REV3L: variants seen among roughly 807,000 people sequenced by gnomAD.
The protein encoded by REV3L is REV3 like, DNA directed polymerase zeta catalytic subunit, also known as DNA polymerase zeta catalytic subunit.
In REV3L, 69 loss-of-function variants were observed where a neutral mutation model predicts 299.4. That is an observed-to-expected ratio of 0.23 (90% CI 0.19 to 0.28). REV3L has a LOEUF of 0.28. Among genes scored for constraint, REV3L ranks in the 10% least tolerant of loss-of-function variants. REV3L has a pLI of 1.00. For missense variants in REV3L, 3,128 were observed against 3,693.8 expected, an observed-to-expected ratio of 0.85 and a Z score of 3.97; for synonymous variants, 1,238 against 1,271.4, an observed-to-expected ratio of 0.97 and a Z score of 0.56.
At chr6:111,426,062 C>T (rs1387832050) in intron 1 of REV3L, among the ~76,000 whole-genome samples, 2 of 152,146 alleles carry the variant, frequency 1.3e-5, no homozygotes, top group African/African-American at 4.8e-5. Flanking sequence ...TAGCTGGGGG[C>T]TCCTGGATAG....
chr6:111,478,911 C>T (rs1305285376), intron 1 of REV3L, among the ~76,000 whole-genome samples: 1 of 152,164 alleles, frequency 6.6e-6, no homozygotes, highest in Non-Finnish European at 1.5e-5. Context: ...TGTTTAATTC[C>T]TTGCTTTGTG....
At chr6:111,316,574 GAGA>G (rs974224028) in intron 26 of REV3L, among the ~76,000 whole-genome samples, 2 of 151,804 alleles carry the variant, frequency 1.3e-5, no homozygotes, top group Admixed American at 1.3e-4. Flanking sequence ...GCTGAGGTGG[GAGA>G]ATCGCTTGAA....
intron 1 of REV3L, among the ~76,000 whole-genome samples, chr6:111,447,146 T>C: frequency 6.6e-6 from 1 of 152,340 alleles, no homozygotes; most frequent in Middle Eastern, 3.4e-3. Context: ...GAAAAAAATC[T>C]GTTTATTGCT....
chr6:111,324,962 C>T (rs971763765), intron 25 of REV3L, among the ~76,000 whole-genome samples: 9 of 151,590 alleles, frequency 5.9e-5, no homozygotes, highest in South Asian at 4.2e-4. Flanking sequence ...CCCGGGTTCA[C>T]GCCATTCTCC....
At chr6:111,336,457 A>G (rs905257845) in intron 21 of REV3L, among the ~76,000 whole-genome samples, 7 of 152,160 alleles carry the variant, frequency 4.6e-5, no homozygotes, top group African/African-American at 1.7e-4. Flanking sequence ...CTAATGCTTA[A>G]TAGAAAAACT....
chr6:111,343,463 T>C lies in REV3L; in HGVS notation c.7538+462A>G, dbSNP rs192337020. Among the ~76,000 whole-genome samples, 13 of 152,336 alleles carry C rather than the reference T, an allele frequency of 8.5e-5. No homozygotes were observed. The East Asian group carries it at 2.5e-3, about 29-fold the overall frequency. ...TTCTGGGTGTGAGATATGCTCCTTA[T>C]CTTGATTGGAGTAATGAGTACAAGA... On this transcript the variant is annotated intron_variant, in intron 21 of 31. Coordinates refer to ENST00000368802, the MANE Select transcript of REV3L (RefSeq NM_001372078.1).
At chr6:111,381,039 A>G (rs1472761689) in intron 10 of REV3L, among the ~76,000 whole-genome samples, 4 of 152,258 alleles carry the variant, frequency 2.6e-5, no homozygotes, top group Non-Finnish European at 5.9e-5. Flanking sequence ...GAACTTTGCA[A>G]AATATTAATT....
At position 111,392,962 on chromosome 6, in the gene REV3L, C is replaced by T; in HGVS notation, c.576G>A (p.Leu192=). Residue 192 remains leucine (L), a synonymous_variant, in exon 5 of 32, where the codon TTG becomes TTA. Transcript: ENST00000368802. ...GATTCTTGCAGGATCCAGTTGCATG[C>T]AATGTATTACCTAGGAATAGAAAGG... is the stretch of plus-strand genomic sequence containing the variant. ...FRKARRKSNT[L]HATGSCKNHL... 6.3e-7 allele frequency: 1 copy of T among 1,596,734 alleles called. No individual in the cohort carries two copies. Among genetic ancestry groups the T allele is most frequent in the South Asian group, 1.1e-5 (1 of 90,710 alleles).
At chr6:111,448,960 C>A (rs1202340404) in intron 1 of REV3L, among the ~76,000 whole-genome samples, 1 of 152,080 alleles carries the variant, frequency 6.6e-6, no homozygotes, top group Non-Finnish European at 1.5e-5. Context: ...AGCCACCACA[C>A]CTGGCCAATT....
chr6:111,361,017 TA>T lies in REV3L; in HGVS notation c.6880-2004del, dbSNP rs1244006566. ...AATAAGCATGCATTAATTTAGTAAATAAAAAATTTTTAAATGGAAAACTCCT... is the reference window on the plus strand; with the variant it reads ...AATAAGCATGCATTAATTTAGTAAATAAAAATTTTTAAATGGAAAACTCCT... On this transcript the variant is annotated intron_variant, in intron 16 of 31. Transcript: ENST00000368802. 4.6e-5 allele frequency among the ~76,000 whole-genome samples: 7 copies of T among 152,056 alleles called. No homozygotes were observed. The East Asian group carries it at 1.4e-3, about 29-fold the overall frequency.
intron 20 of REV3L, among the ~76,000 whole-genome samples, chr6:111,348,195 C>T (rs1247908571): frequency 6.6e-6 from 1 of 152,190 alleles, no homozygotes; most frequent in Non-Finnish European, 1.5e-5. Context: ...AAGCTATCCC[C>T]TCCTACCTCG....
intron 1 of REV3L, among the ~76,000 whole-genome samples, chr6:111,432,197 G>C (rs1209709934): frequency 6.6e-6 from 1 of 152,196 alleles, no homozygotes; most frequent in African/African-American, 2.4e-5. Context: ...ACAGTAGTAA[G>C]TTTACTTGGC....
intron 28 of REV3L, chr6:111,312,377 A>T (rs940636906): frequency 2.0e-5 from 3 of 152,216 alleles, no homozygotes; most frequent in African/African-American, 7.2e-5. Context: ...ATTCCCATTT[A>T]TACCATTTAT....
intron 9 of REV3L, among the ~76,000 whole-genome samples, chr6:111,384,598 T>C (rs905723143): frequency 6.6e-6 from 1 of 152,132 alleles, no homozygotes; most frequent in Non-Finnish European, 1.5e-5. Flanking sequence ...CAATAATGAA[T>C]GCTGGCAATG....
intron 1 of REV3L, among the ~76,000 whole-genome samples, chr6:111,474,992 C>T (rs60908706): frequency 0.14 from 3,203 of 22,776 alleles, 61 homozygotes; most frequent in East Asian, 0.32. Context: ...TATATATACA[C>T]ACACACACAC....
chr6:111,389,241 G>A (rs772533453), intron 6 of REV3L, 31 bp from the exon 7 acceptor site: 11 of 1,488,212 alleles, frequency 7.4e-6, no homozygotes, highest in Non-Finnish European at 7.4e-6. Context: ...CAATACTACA[G>A]GGTCAAAGTA....
At position 111,439,250 on chromosome 6, in the gene REV3L, C is replaced by G. The variant is rs189939839; in HGVS notation, c.140-22778G>C. Among the ~76,000 whole-genome samples the G allele has an allele frequency of 1.2e-3, 179 of 152,256 alleles. 1 individual carries two copies. The highest frequency in any genetic ancestry group is 4.1e-3 in the African/African-American group (169 of 41,544). On this transcript the variant is annotated intron_variant, in intron 1 of 31. Transcript: ENST00000368802. ...ACAAAAAGCAAATTTGAGCGATTTT[C>G]TTATTTGAGTTCAAAATGGGTTGTA...
rs1450536062 is a variant in REV3L, at chr6:111,350,757, T to C, written c.7300+919A>G. Reference sequence around the variant, plus strand: ...ACACCTGGCTAATTTTCTTTCTTTTTTTTTTTTTTTTGGTAGAAATGGGGT... The same window carrying C: ...ACACCTGGCTAATTTTCTTTCTTTTCTTTTTTTTTTTGGTAGAAATGGGGT... On this transcript the variant is annotated intron_variant, in intron 19 of 31. Transcript: ENST00000368802. Among the ~76,000 whole-genome samples the C allele has an allele frequency of 8.6e-5, 13 of 151,580 alleles. No individual in the cohort carries two copies. In the East Asian group the frequency reaches 9.7e-4, roughly 11 times the overall value.
chr6:111,420,519 T>C lies in REV3L; in HGVS notation c.140-4047A>G, dbSNP rs1785215119. The stretch of plus-strand genomic sequence containing the variant: ...TAAACAACAACTCCCCTTCCCCTCC[T>C]CTGAAGGTTCCCTCTTACTATCATG... On this transcript the variant is annotated intron_variant, in intron 1 of 31. Coordinates refer to ENST00000368802, the MANE Select transcript of REV3L (RefSeq NM_001372078.1). Among the ~76,000 whole-genome samples, 2 of 152,168 alleles carry C rather than the reference T, an allele frequency of 1.3e-5. 1 individual carries two copies. Among genetic ancestry groups the C allele is most frequent in the South Asian group, 4.1e-4 (2 of 4,828 alleles).
Sources: gnomAD v4.1 joint callset for allele counts (sites outside exome capture counted in the v4.1 genomes callset) on GRCh38, gnomAD v4.1.1 for gene constraint, MANE v1.5 for transcripts, NCBI Gene and HGNC (gene_info 2026-07-23, HGNC 2026-07-21) for gene names.